Variants in AUTS2 observed in about 807,000 individuals in gnomAD.
The protein encoded by AUTS2 is autism susceptibility gene 2 protein.
In AUTS2, 17 loss-of-function variants were observed where a neutral mutation model predicts 112.4. That is an observed-to-expected ratio of 0.15 (90% CI 0.10 to 0.23). The LOEUF is 0.23. AUTS2 is among the 10% of genes least tolerant of loss of function. The pLI, the probability that AUTS2 is intolerant of heterozygous loss-of-function variation, is 1.00. For synonymous variants in AUTS2, 751 were observed against 702.7 expected, an observed-to-expected ratio of 1.07 and a Z score of -1.09; for missense variants, 1,510 against 1,701.6, an observed-to-expected ratio of 0.89 and a Z score of 1.98.
At chr7:70,743,804 G>A (rs1788267910) in intron 6 of AUTS2, among the ~76,000 whole-genome samples, 1 of 152,186 alleles carries the variant, frequency 6.6e-6, no homozygotes, top group African/African-American at 2.4e-5. Context: ...TGCCTGAAGT[G>A]CACCTTTGTG....
At chr7:70,123,757 G>T (rs1023150687) in intron 3 of AUTS2, among the ~76,000 whole-genome samples, 3 of 152,122 alleles carry the variant, frequency 2.0e-5, no homozygotes, top group African/African-American at 7.2e-5. Context: ...TCATTGATGG[G>T]CATTTAGGTG....
At chr7:69,606,163 G>T (rs1181969676) in intron 1 of AUTS2, among the ~76,000 whole-genome samples, 1 of 152,204 alleles carries the variant, frequency 6.6e-6, no homozygotes, top group Non-Finnish European at 1.5e-5. Context: ...TTGAAAAAGG[G>T]TTAAGAAAAC....
At position 69,599,816 on chromosome 7, in the gene AUTS2, G is replaced by C; in HGVS notation, c.163G>C (p.Asp55His). The change falls in exon 1 of 19, where the codon GAC (aspartate) becomes CAC (histidine). Residue 55 changes from aspartate to histidine, a missense_variant. Physicochemically the swap from Asp to His is moderately conservative, Grantham distance 81 (BLOSUM62 -1). Around this residue, in one of 3 missense-constraint regions of AUTS2, gnomAD observed 535 missense variants for 594.3 expected, o/e 0.90. Transcript: ENST00000342771. The surrounding 1 kb of genome is among the most constrained non-coding windows in gnomAD (Gnocchi z 7.0). ...CTCACTCGCCTCGTCGTCGGGCTCC[G>C]ACAAGGAAGACAATGGGAAGCCCCC... ...ALSLASSSGSDKEDNGKPPSS... is the reference protein window; with the variant it reads ...ALSLASSSGSHKEDNGKPPSS... 1 of 1,606,362 alleles carries C rather than the reference G, an allele frequency of 6.2e-7. No homozygotes were observed. Among genetic ancestry groups the C allele is most frequent in the South Asian group, 1.1e-5 (1 of 90,642 alleles).
chr7:70,703,253 G>A (rs1256931407), intron 6 of AUTS2, among the ~76,000 whole-genome samples: 3 of 152,044 alleles, frequency 2.0e-5, no homozygotes, highest in East Asian at 3.9e-4. Context: ...CAGAACTTTT[G>A]GGAGGCTGAG....
At chr7:69,609,313 A>G (rs1453002289) in intron 1 of AUTS2, among the ~76,000 whole-genome samples, 2 of 152,226 alleles carry the variant, frequency 1.3e-5, no homozygotes, top group Non-Finnish European at 2.9e-5. Context: ...CATTTCAGCT[A>G]AGAAATGTTC....
intron 5 of AUTS2, among the ~76,000 whole-genome samples, chr7:70,475,393 C>T (rs1215467810): frequency 6.6e-6 from 1 of 152,200 alleles, no homozygotes; most frequent in Non-Finnish European, 1.5e-5. Flanking sequence ...GCCTTTTCCA[C>T]ATTCCCACCT....
At chr7:70,525,112 C>G (rs1799788702) in intron 5 of AUTS2, among the ~76,000 whole-genome samples, 1 of 152,180 alleles carries the variant, frequency 6.6e-6, no homozygotes, top group Non-Finnish European at 1.5e-5. Flanking sequence ...CCTTCTATAG[C>G]TTTCCTGACA....
At chr7:70,013,701 C>A (rs762065848) in intron 2 of AUTS2, among the ~76,000 whole-genome samples, 1 of 152,050 alleles carries the variant, frequency 6.6e-6, no homozygotes, top group African/African-American at 2.4e-5. Context: ...TCCTCTCTAC[C>A]GTTACTTATT....
Position 69,761,020 on chromosome 7 carries a change from C to T in AUTS2, c.310-138266C>T, listed in dbSNP as rs188884026. ...ATGACAGGTAAATTTTTCTAAAGGTCTGCTAACTTCTTATTCAGTCATGGC... is the reference window on the plus strand; with the variant it reads ...ATGACAGGTAAATTTTTCTAAAGGTTTGCTAACTTCTTATTCAGTCATGGC... On this transcript the variant is annotated intron_variant, in intron 1 of 18. Transcript: ENST00000342771. 5.9e-5 allele frequency among the ~76,000 whole-genome samples: 9 copies of T among 152,244 alleles called. No homozygotes were observed. The East Asian group carries it at 1.7e-3, about 29-fold the overall frequency.
Position 70,776,828 on chromosome 7 carries a change from G to T in AUTS2, c.1933-275G>T, listed in dbSNP as rs1790730680. 8.3e-6 allele frequency: 4 copies of T among 479,774 alleles called. No homozygotes were observed. In the South Asian group the frequency reaches 9.1e-5, roughly 11 times the overall value. 29.7% of individuals were successfully genotyped at this position (479,774 alleles called of 1,614,324 possible). On this transcript the variant is annotated intron_variant, in intron 13 of 18. Transcript: ENST00000342771. ...AGAAGAGGCACAGAGTGGGATTCAGGCTTTTGCCGTCTTGTCCTTGGTAAC... is the reference window on the plus strand; with the variant it reads ...AGAAGAGGCACAGAGTGGGATTCAGTCTTTTGCCGTCTTGTCCTTGGTAAC...
At chr7:69,894,251 C>CTTTTTTTTTT (rs1215444243) in intron 1 of AUTS2, among the ~76,000 whole-genome samples, 1 of 44,028 alleles carries the variant, frequency 2.3e-5, no homozygotes, top group Admixed American at 2.5e-4. Context: ...TGCCTTAAAG[C>CTTTTTTTTTT]GTTTTTTTTT....
At chr7:69,894,144 A>G (rs1051487482) in intron 1 of AUTS2, among the ~76,000 whole-genome samples, 3 of 151,368 alleles carry the variant, frequency 2.0e-5, no homozygotes, top group Non-Finnish European at 1.5e-5. Context: ...TTGACAGCCA[A>G]TATGTCTAAA....
chr7:70,383,714 A>G (rs1425238221), intron 4 of AUTS2, among the ~76,000 whole-genome samples: 2 of 152,218 alleles, frequency 1.3e-5, no homozygotes, highest in African/African-American at 4.8e-5. Context: ...CTGTCTAGGG[A>G]CATCTCCATA....
intron 13 of AUTS2, among the ~76,000 whole-genome samples, chr7:70,776,327 C>T (rs909320140): frequency 2.0e-5 from 3 of 152,092 alleles, no homozygotes; most frequent in Admixed American, 6.5e-5. Flanking sequence ...GGTCCCTGCC[C>T]GCTGACTGGT....
chr7:70,445,364 C>T (rs1391259108), intron 5 of AUTS2, among the ~76,000 whole-genome samples: 3 of 152,150 alleles, frequency 2.0e-5, no homozygotes, highest in Non-Finnish European at 4.4e-5. Flanking sequence ...ATGCTGTCAT[C>T]CCCTCTGTGT....
intron 1 of AUTS2, among the ~76,000 whole-genome samples, chr7:69,723,664 A>G (rs1799081104): frequency 6.6e-6 from 1 of 152,182 alleles, no homozygotes; most frequent in Non-Finnish European, 1.5e-5. Flanking sequence ...AGCCACTGGC[A>G]TTTCTAAGAC....
intron 4 of AUTS2, among the ~76,000 whole-genome samples, chr7:70,251,070 T>C (rs1013634705): frequency 6.7e-6 from 1 of 149,430 alleles, no homozygotes; most frequent in Non-Finnish European, 1.5e-5. Flanking sequence ...AAATATTTCT[T>C]TTTTTTTTTG....
intron 5 of AUTS2, among the ~76,000 whole-genome samples, chr7:70,471,819 T>TG (rs1278187207): frequency 6.6e-6 from 1 of 151,834 alleles, no homozygotes; most frequent in East Asian, 1.9e-4. Context: ...GTATGCGTGG[T>TG]GGGGTCAGCG....
intron 4 of AUTS2, among the ~76,000 whole-genome samples, chr7:70,331,518 T>C (rs1441356292): frequency 6.8e-6 from 1 of 147,832 alleles, no homozygotes. Flanking sequence ...ACTCATTGAT[T>C]TTTTTTTTTT....
Sources: gnomAD v4.1 joint callset for allele counts (sites outside exome capture counted in the v4.1 genomes callset) on GRCh38, gnomAD v4.1.1 for gene constraint, gnomAD v4.1.1 regional missense constraint, Gnocchi (gnomAD v3.1) non-coding constraint, MANE v1.5 for transcripts, NCBI Gene and HGNC (gene_info 2026-07-23, HGNC 2026-07-21) for gene names.